The following ROCK1 variants were observed in gnomAD, a reference collection of about 807,000 sequenced individuals.
ROCK1 encodes Rho associated coiled-coil containing protein kinase 1, also known as rho-associated protein kinase 1.
Under a neutral mutation model 196.8 loss-of-function variants are expected in ROCK1, and 36 were observed. That is an observed-to-expected ratio of 0.18 (90% CI 0.14 to 0.24). ROCK1 has a LOEUF of 0.24. ROCK1 is among the 10% of genes least tolerant of loss of function. The pLI is 1.00. For missense variants in ROCK1, 920 were observed against 1,562.0 expected (o/e 0.59, Z 6.93); for synonymous variants, 443 against 515.9 (o/e 0.86, Z 1.91).
intron 29 of ROCK1, among the ~76,000 whole-genome samples, chr18:20,959,100 ATATTATATATATAT>A: frequency 5.8e-5 from 1 of 17,162 alleles, no homozygotes; most frequent in South Asian, 1.5e-3. Flanking sequence ...TATAATATAT[ATATTATATATATAT>A]TATATAATAT....
At chr18:20,976,157 T>TAC (rs72300109) in intron 22 of ROCK1, among the ~76,000 whole-genome samples, 4,837 of 120,578 alleles carry the variant, frequency 0.04, 268 homozygotes, top group African/African-American at 0.19. Flanking sequence ...CCCCTGCATC[T>TAC]ATATATTCAT....
intron 7 of ROCK1, 101 bp from the exon 8 acceptor site, chr18:21,042,336 G>A: frequency 4.4e-6 from 5 of 1,143,586 alleles, no homozygotes; most frequent in Non-Finnish European, 6.1e-6. Flanking sequence ...AGATTATTAG[G>A]TATGTATTAA....
intron 20 of ROCK1, among the ~76,000 whole-genome samples, chr18:20,984,031 G>A (rs1305644264): frequency 1.3e-5 from 2 of 152,044 alleles, no homozygotes; most frequent in African/African-American, 4.8e-5. Context: ...AAAACAAAAC[G>A]AACAAAGTGT....
chr18:20,991,132 C>CT (rs761021427), intron 18 of ROCK1, 44 bp downstream of exon 18: 1 of 1,534,002 alleles, frequency 6.5e-7, no homozygotes, highest in Non-Finnish European at 8.7e-7. Flanking sequence ...TTTCTAGTCA[C>CT]TATTTAAAGT....
intron 1 of ROCK1, among the ~76,000 whole-genome samples, chr18:21,078,373 C>CACACACACACAGAGAGAG (rs1491188980): frequency 1.5e-5 from 1 of 66,118 alleles, no homozygotes; most frequent in Non-Finnish European, 4.7e-5. Context: ...CACACACACA[C>CACACACACACAGAGAGAG]AGAGAGAGAG....
chr18:21,066,480 A>T (rs552222199), intron 2 of ROCK1, among the ~76,000 whole-genome samples: 1 of 152,214 alleles, frequency 6.6e-6, no homozygotes, highest in South Asian at 2.1e-4. Flanking sequence ...TAACTAATAA[A>T]CATAGAGTAA....
intron 23 of ROCK1, 130 bp from the exon 24 acceptor site, chr18:20,969,338 C>A: frequency 1.9e-6 from 1 of 535,542 alleles, no homozygotes; most frequent in East Asian, 3.0e-5. Context: ...TGTCTGGTTT[C>A]CAGCTTAAAA....
At chr18:20,993,257 G>A (rs2035642103) in intron 16 of ROCK1, among the ~76,000 whole-genome samples, 1 of 152,148 alleles carries the variant, frequency 6.6e-6, no homozygotes, top group African/African-American at 2.4e-5. Flanking sequence ...AGGCTGGAGT[G>A]CAGTGGCACA....
Position 20,947,540 on chromosome 18 carries a change from G to T in ROCK1, c.*3844C>A, listed in dbSNP as rs1049721497. 1 of 151,912 alleles carries T rather than the reference G, an allele frequency of 6.6e-6. No individual in the cohort carries two copies. The highest frequency in any genetic ancestry group is 6.6e-5 in the Admixed American group (1 of 15,228). The allele number at this position is 151,912 out of a possible 1,614,324, so 9.4% of individuals were successfully genotyped here. On this transcript the variant is annotated 3_prime_UTR_variant, in exon 33 of 33. Transcript: ENST00000399799. The stretch of plus-strand genomic sequence containing the variant: ...AAAAACAAAGAATAATTGTGATTAA[G>T]ATTTCCAAGTGTCAGGCCAGGCACG...
intron 19 of ROCK1, among the ~76,000 whole-genome samples, chr18:20,986,485 T>C (rs920636930): frequency 4.6e-5 from 7 of 152,176 alleles, no homozygotes; most frequent in Admixed American, 1.3e-4. Flanking sequence ...AAAGTACATA[T>C]AGTAACCACC....
intron 10 of ROCK1, among the ~76,000 whole-genome samples, chr18:21,025,673 T>C (rs1453279428): frequency 6.6e-6 from 1 of 152,148 alleles, no homozygotes; most frequent in African/African-American, 2.4e-5. Flanking sequence ...GAGGCAGAGA[T>C]TGCAGTGAGC....
At chr18:21,019,784 C>G (rs191647445) in intron 12 of ROCK1, among the ~76,000 whole-genome samples, 3 of 146,486 alleles carry the variant, frequency 2.0e-5, no homozygotes, top group East Asian at 4.0e-4. Context: ...GACGACAGAG[C>G]GAGACTCCAT....
In ROCK1 at chr18:20,967,416, T is replaced by C. The variant is rs557232946; in HGVS notation, c.3192+336A>G. Among the ~76,000 whole-genome samples the C allele has an allele frequency of 1.6e-4, 25 of 152,248 alleles. No homozygotes were observed. In the South Asian group the frequency reaches 4.8e-3, roughly 29 times the overall value. On this transcript the variant is annotated intron_variant, in intron 26 of 32. Transcript: ENST00000399799. ...GAAAACTTCAGAAAACCATAACTGA[T>C]GGAGCTAAAAAGCTTAGATCTAAGT...
intron 5 of ROCK1, chr18:21,045,084 C>A: frequency 2.4e-5 from 6 of 245,604 alleles, no homozygotes; most frequent in East Asian, 7.8e-5. Flanking sequence ...TGGTGTCAAA[C>A]TCCTGAGCTC....
intron 1 of ROCK1, among the ~76,000 whole-genome samples, chr18:21,097,211 A>T (rs2036619977): frequency 6.6e-6 from 1 of 152,222 alleles, no homozygotes; most frequent in Non-Finnish European, 1.5e-5. Context: ...TTAAGAAAAG[A>T]TGTAGTATAG....
Position 20,953,663 on chromosome 18 carries a change from G to A in ROCK1, c.3976C>T (p.Arg1326Cys), listed in dbSNP as rs779197623. The A allele has an allele frequency of 5.6e-6, 9 of 1,612,004 alleles. No homozygotes were observed. The highest frequency in any genetic ancestry group is 1.1e-5 in the South Asian group (1 of 90,562). ...GTAGAAAGCGTTCGAGGGGAAGCAC[G>A]AACAAAACCAGATGGTGGATTCTTA... is the stretch of plus-strand genomic sequence containing the variant. ...IPKNPPSGFV[R>C]ASPRTLSTRS... Residue 1326 changes from arginine to cysteine, a missense_variant, in exon 32 of 33, where the codon CGT (arginine) becomes TGT (cysteine). This residue lies in a region of ROCK1 where 49 missense variants were observed against 180.4 expected (regional missense o/e 0.27). Transcript: ENST00000399799.
chr18:21,086,060 G>T (rs1183796052), intron 1 of ROCK1, among the ~76,000 whole-genome samples: 1 of 151,780 alleles, frequency 6.6e-6, no homozygotes, highest in East Asian at 1.9e-4. Flanking sequence ...TTATTTTGGG[G>T]AAAAATAAAT....
At chr18:21,027,654 T>C (rs185751934) in intron 10 of ROCK1, among the ~76,000 whole-genome samples, 1 of 151,714 alleles carries the variant, frequency 6.6e-6, no homozygotes, top group East Asian at 1.9e-4. Context: ...TTTGAGGAAA[T>C]GGAGGCATAA....
rs369688359 is a variant in ROCK1, at chr18:21,020,082, G to C, written c.1361+69C>G. 3.4e-5 allele frequency: 29 copies of C among 862,446 alleles called. No individual in the cohort carries two copies. The East Asian group carries it at 7.5e-4, about 22-fold the overall frequency. 53.4% of individuals were successfully genotyped at this position (862,446 alleles called of 1,614,324 possible). On this transcript the variant is annotated intron_variant, in intron 12 of 32. Transcript: ENST00000399799. ...CTATTTACTTTCAGATGTTTACAGGGTATAAGCTTTCAAGTAAGTATTTGG... is the reference window on the plus strand; with the variant it reads ...CTATTTACTTTCAGATGTTTACAGGCTATAAGCTTTCAAGTAAGTATTTGG...
Sources: allele counts gnomAD v4.1 joint callset (sites outside exome capture counted in the v4.1 genomes callset), GRCh38; gene constraint gnomAD v4.1.1; regional missense constraint gnomAD v4.1.1; transcripts MANE v1.5; gene names NCBI Gene and HGNC (gene_info 2026-07-23, HGNC 2026-07-21).